Variants in ZNF346 observed in about 807,000 individuals in gnomAD.
The protein encoded by ZNF346 is double-stranded RNA-binding zinc finger protein JAZ.
Under a neutral mutation model 33.7 loss-of-function variants are expected in ZNF346, and 23 were observed. The ratio of observed to expected loss-of-function variants is 0.68; its 90% CI spans 0.49 to 0.97. ZNF346 has a LOEUF of 0.97. ZNF346 is among the 50% of genes least tolerant of loss of function. The probability of loss-of-function intolerance (pLI) is 0.00; values close to 1 mark genes in which losing one functional copy is unlikely to be tolerated. For missense variants in ZNF346, 340 were observed against 371.1 expected (o/e 0.92, Z 0.69); for synonymous variants, 134 against 142.4 (o/e 0.94, Z 0.42).
intron 1 of ZNF346, among the ~76,000 whole-genome samples, chr5:177,028,214 T>C (rs947481534): frequency 6.6e-6 from 1 of 150,494 alleles, no homozygotes; most frequent in African/African-American, 2.4e-5. Context: ...CTTTTTTGTA[T>C]TTTTAGTAGA....
At chr5:177,075,109 T>C (rs982253599) in intron 8 of ZNF346, among the ~76,000 whole-genome samples, 2 of 144,040 alleles carry the variant, frequency 1.4e-5, no homozygotes, top group African/African-American at 5.2e-5. Flanking sequence ...ATAAAATATA[T>C]CTACATTTTG....
Position 177,022,700 on chromosome 5 carries a change from G to T in ZNF346, c.-39G>T. ...CCACCAAATCTCGCGATACCTAGGC[G>T]CCTGAGAGGCTCTCTACCGGTGAGG... On this transcript the variant is annotated 5_prime_UTR_variant, in exon 1 of 7. Coordinates refer to ENST00000358149, the MANE Select transcript of ZNF346 (RefSeq NM_012279.4). 1 of 1,493,392 alleles carries T rather than the reference G, an allele frequency of 6.7e-7. No homozygotes were observed. Among genetic ancestry groups the T allele is most frequent in the Admixed American group, 2.4e-5 (1 of 41,572 alleles). 92.5% of individuals were successfully genotyped at this position (1,493,392 alleles called of 1,614,324 possible).
chr5:177,062,072 C>A lies in ZNF346; in HGVS notation c.718C>A (p.Pro240Thr). The change falls in exon 6 of 7, where the codon CCC becomes ACC. Residue 240 changes from proline to threonine, a missense_variant. Coordinates refer to ENST00000358149, the MANE Select transcript of ZNF346 (RefSeq NM_012279.4). Reference sequence around the variant, plus strand: ...ATGTGTTTCAGCTGGAAAGGGCTACCCCTGCAAAACATGTAAGATAGTGCT... The same window carrying A: ...ATGTGTTTCAGCTGGAAAGGGCTACACCTGCAAAACATGTAAGATAGTGCT... ...VTDFPAGKGY[P>T]CKTCKIVLNS... The A allele has an allele frequency of 1.2e-6, 2 of 1,613,802 alleles. No individual in the cohort carries two copies. The highest frequency in any genetic ancestry group is 1.7e-6 in the Non-Finnish European group (2 of 1,179,830).
Position 177,066,616 on chromosome 5 carries a change from C to G in ZNF346, c.*2017C>G, listed in dbSNP as rs1783191722. Among the ~76,000 whole-genome samples, 2 of 151,942 alleles carry G rather than the reference C, an allele frequency of 1.3e-5. No homozygotes were observed. The highest frequency in any genetic ancestry group is 4.8e-5 in the African/African-American group (2 of 41,362). ...GGTGCGGCGTCATGCACCTATAGTC[C>G]CAGCTGCTCAGGAGGCTAAGGCAGA... On this transcript the variant is annotated 3_prime_UTR_variant, in exon 7 of 7. Transcript: ENST00000358149.
intron 4 of ZNF346, among the ~76,000 whole-genome samples, chr5:177,047,325 G>C (rs1581879771): frequency 6.8e-6 from 1 of 147,720 alleles, no homozygotes; most frequent in Admixed American, 6.8e-5. Flanking sequence ...TGCCTTTTTT[G>C]TTTGTTTGTT....
chr5:177,039,423 C>T (rs1374196303), intron 1 of ZNF346, among the ~76,000 whole-genome samples: 1 of 151,740 alleles, frequency 6.6e-6, no homozygotes, highest in Non-Finnish European at 1.5e-5. Context: ...ATCTTAAAAG[C>T]TCCCCACCAA....
chr5:177,045,731 T>TTCTC (rs1228966647), intron 4 of ZNF346, among the ~76,000 whole-genome samples: 1 of 151,976 alleles, frequency 6.6e-6, no homozygotes, highest in East Asian at 1.9e-4. Flanking sequence ...CCTTAAGTGA[T>TTCTC]ACTCCCATCT....
intron 4 of ZNF346, among the ~76,000 whole-genome samples, chr5:177,049,118 A>G (rs1780517274): frequency 6.6e-6 from 1 of 152,076 alleles, no homozygotes; most frequent in Non-Finnish European, 1.5e-5. Flanking sequence ...CAACACCACA[A>G]ACAGAATATT....
In ZNF346 at chr5:177,045,789, C is replaced by CCA. The variant is rs1454941103; in HGVS notation, c.517+1258_517+1259dup. On this transcript the variant is annotated intron_variant, in intron 4 of 6. Coordinates refer to ENST00000358149, the MANE Select transcript of ZNF346 (RefSeq NM_012279.4). ...TACAGGCATGAGCCACCACACCTGG[C>CCA]CACTCATAATTACACCTTTTTATCA... Among the ~76,000 whole-genome samples the CCA allele has an allele frequency of 7.9e-5, 12 of 152,124 alleles. No homozygotes were observed. In the South Asian group the frequency reaches 1.2e-3, roughly 16 times the overall value.
chr5:177,072,836 T>C (rs1410861549), downstream of ZNF346, among the ~76,000 whole-genome samples: 2 of 152,202 alleles, frequency 1.3e-5, no homozygotes, highest in Admixed American at 1.3e-4. Context: ...GAGAGACTCA[T>C]TTCTGATGAC....
At chr5:177,022,945 C>G in intron 1 of ZNF346, 32 bp downstream of exon 1, 1 of 1,448,440 alleles carries the variant, frequency 6.9e-7, no homozygotes, top group South Asian at 1.5e-5. Context: ...CAGAAAGCCC[C>G]TCGCCCGCTG....
chr5:177,034,933 G>A (rs868077922), intron 1 of ZNF346, among the ~76,000 whole-genome samples: 1 of 152,180 alleles, frequency 6.6e-6, no homozygotes, highest in South Asian at 2.1e-4. Flanking sequence ...GAACATGTAT[G>A]CATTATTCCT....
At chr5:177,058,586 T>C (rs1000129732) in intron 5 of ZNF346, among the ~76,000 whole-genome samples, 1 of 152,334 alleles carries the variant, frequency 6.6e-6, no homozygotes, top group African/African-American at 2.4e-5. Flanking sequence ...TAAATAGATA[T>C]GATTTTGACC....
At chr5:177,073,164 A>G (rs1008648246) in intron 8 of ZNF346, among the ~76,000 whole-genome samples, 1 of 152,204 alleles carries the variant, frequency 6.6e-6, no homozygotes, top group East Asian at 1.9e-4. Flanking sequence ...GGGTCTTATG[A>G]TACTGCATCC....
At chr5:177,059,068 G>T (rs1361899096) in intron 5 of ZNF346, among the ~76,000 whole-genome samples, 2 of 152,166 alleles carry the variant, frequency 1.3e-5, no homozygotes, top group Non-Finnish European at 2.9e-5. Context: ...TCTTCTCCCT[G>T]CTGGCTTCGT....
At chr5:177,071,399 G>A (rs1393176125), downstream of ZNF346, among the ~76,000 whole-genome samples, 1 of 151,400 alleles carries the variant, frequency 6.6e-6, no homozygotes, top group African/African-American at 2.4e-5. Context: ...GAAAAAAGGG[G>A]CCAGGCGCCA....
At chr5:177,061,325 G>A (rs1315259295) in intron 5 of ZNF346, among the ~76,000 whole-genome samples, 2 of 151,812 alleles carry the variant, frequency 1.3e-5, no homozygotes, top group South Asian at 2.1e-4. Flanking sequence ...CATGCCTGTA[G>A]TTCCAGCTAC....
At chr5:177,055,909 CTA>C (rs1781609610) in intron 5 of ZNF346, among the ~76,000 whole-genome samples, 1 of 152,008 alleles carries the variant, frequency 6.6e-6, no homozygotes, top group African/African-American at 2.4e-5. Flanking sequence ...AACCCCGTCT[CTA>C]TTAAAAATAC....
chr5:177,051,293 G>T (rs1780851350), intron 5 of ZNF346, among the ~76,000 whole-genome samples: 1 of 147,420 alleles, frequency 6.8e-6, no homozygotes, highest in East Asian at 2.0e-4. Context: ...TTCTGCCTCA[G>T]CCTCCTGAGT....
Sources: allele counts gnomAD v4.1 joint callset (sites outside exome capture counted in the v4.1 genomes callset), GRCh38; gene constraint gnomAD v4.1.1; transcripts MANE v1.5; gene names NCBI Gene and HGNC (gene_info 2026-07-23, HGNC 2026-07-21).